Variants in BMP7 observed in about 807,000 individuals in gnomAD.
BMP7 encodes the protein bone morphogenetic protein 7, also known as osteogenic protein 1.
Under a neutral mutation model 41.2 loss-of-function variants are expected in BMP7, and 12 were observed. The ratio of observed to expected loss-of-function variants is 0.29; its 90% CI spans 0.19 to 0.47. BMP7 has a LOEUF of 0.47. Among genes scored for constraint, BMP7 ranks in the 20% least tolerant of loss-of-function variants. The pLI is 0.99. For synonymous variants in BMP7, 248 were observed against 250.0 expected, an observed-to-expected ratio of 0.99 and a Z score of 0.07; for missense variants, 467 against 606.0, an observed-to-expected ratio of 0.77 and a Z score of 2.41.
At chr20:57,202,720 G>GGGT in intron 2 of BMP7, 97 bp from the exon 3 acceptor site, 1 of 573,232 alleles carries the variant, frequency 1.7e-6, no homozygotes, top group Non-Finnish European at 3.0e-6. Context: ...GGTGGGAGGG[G>GGGT]AGGGAAAGAG....
chr20:57,262,725 C>A (rs1382681484), intron 1 of BMP7, among the ~76,000 whole-genome samples: 2 of 144,574 alleles, frequency 1.4e-5, no homozygotes, highest in Non-Finnish European at 1.6e-5. Flanking sequence ...CTCACCCATG[C>A]CCCCCCCGCC....
At chr20:57,204,179 C>G (rs893949794) in intron 2 of BMP7, among the ~76,000 whole-genome samples, 3 of 152,156 alleles carry the variant, frequency 2.0e-5, no homozygotes, top group Admixed American at 2.0e-4. Flanking sequence ...CAGTCAACCT[C>G]GTTGGAATGT....
chr20:57,228,379 C>G lies in BMP7; in HGVS notation c.461G>C (p.Arg154Pro). 1.2e-6 allele frequency: 2 copies of G among 1,614,184 alleles called. No individual in the cohort carries two copies. The highest frequency in any genetic ancestry group is 1.7e-6 in the Non-Finnish European group (2 of 1,180,038). Residue 154 changes from arginine (R) to proline (P), a missense_variant, in exon 2 of 7, where the codon CGA (arginine) becomes CCA (proline). Coordinates refer to ENST00000395863, the MANE Select transcript of BMP7 (RefSeq NM_001719.3). The surrounding 1 kb of genome is among the most constrained non-coding windows in gnomAD (Gnocchi z 4.5). ...KEFFHPRYHH[R>P]EFRFDLSKIP... Reference sequence around the variant, plus strand: ...CTTGGAAAGATCAAACCGGAACTCTCGATGGTGGTAGCGTGGGTGGAAGAA... The same window carrying G: ...CTTGGAAAGATCAAACCGGAACTCTGGATGGTGGTAGCGTGGGTGGAAGAA...
chr20:57,251,523 G>C (rs1018981939), intron 1 of BMP7, among the ~76,000 whole-genome samples: 2 of 152,170 alleles, frequency 1.3e-5, no homozygotes, highest in Non-Finnish European at 2.9e-5. Flanking sequence ...TCTTCCGAGG[G>C]GACATCCTTT....
chr20:57,179,568 G>A (rs1022988122), intron 4 of BMP7, among the ~76,000 whole-genome samples: 1 of 152,222 alleles, frequency 6.6e-6, no homozygotes, highest in Non-Finnish European at 1.5e-5. Context: ...AGCTCCGCGT[G>A]GGGTAGCGTG....
chr20:57,258,145 G>A (rs1348944239), intron 1 of BMP7, among the ~76,000 whole-genome samples: 1 of 152,216 alleles, frequency 6.6e-6, no homozygotes, highest in African/African-American at 2.4e-5. Flanking sequence ...GATAGAACAC[G>A]TGACCTCAGA....
At chr20:57,231,094 C>T (rs1456116055) in intron 1 of BMP7, among the ~76,000 whole-genome samples, 1 of 152,246 alleles carries the variant, frequency 6.6e-6, no homozygotes, top group African/African-American at 2.4e-5. Flanking sequence ...AACCCCCTTT[C>T]CCACCCTGGA....
intron 1 of BMP7, among the ~76,000 whole-genome samples, chr20:57,258,936 A>G (rs1472446454): frequency 2.0e-5 from 3 of 152,248 alleles, no homozygotes; most frequent in Non-Finnish European, 4.4e-5. Flanking sequence ...CTACTAGGTG[A>G]CAGCCTCTGC....
chr20:57,199,482 C>T (rs1167539697), intron 3 of BMP7, among the ~76,000 whole-genome samples: 1 of 152,190 alleles, frequency 6.6e-6, no homozygotes, highest in African/African-American at 2.4e-5. Context: ...GGAAACAAAA[C>T]CACATGTACC....
intron 3 of BMP7, among the ~76,000 whole-genome samples, chr20:57,194,018 G>A (rs952861525): frequency 1.3e-5 from 2 of 152,206 alleles, no homozygotes; most frequent in Admixed American, 6.5e-5. Context: ...CTCCGTCCAT[G>A]AACGCTGCAC....
rs955703923 is a variant in BMP7 at position 57,227,815 on chromosome 20, T to A, written c.611+414A>T. ...AGTTCTCTGTTTTTTTTGGTTTGGGTTTTTTTCTTCCCCTAACATTTTATT... is the reference window on the plus strand; with the variant it reads ...AGTTCTCTGTTTTTTTTGGTTTGGGATTTTTTCTTCCCCTAACATTTTATT... On this transcript the variant is annotated intron_variant, in intron 2 of 6. Transcript: ENST00000395863. 3.3e-5 allele frequency among the ~76,000 whole-genome samples: 5 copies of A among 152,230 alleles called. No homozygotes were observed. The South Asian group carries it at 8.3e-4, about 25-fold the overall frequency.
intron 1 of BMP7, among the ~76,000 whole-genome samples, chr20:57,252,468 G>C (rs1382503618): frequency 6.6e-6 from 1 of 152,244 alleles, no homozygotes; most frequent in Non-Finnish European, 1.5e-5. Flanking sequence ...GTAAGAGAGA[G>C]ATCTGCCCTA....
intron 3 of BMP7, among the ~76,000 whole-genome samples, chr20:57,191,274 AC>A (rs1410160623): frequency 1.3e-5 from 2 of 152,122 alleles, no homozygotes; most frequent in Non-Finnish European, 2.9e-5. Context: ...GCCCAGCACT[AC>A]CGTGTGCTCT....
chr20:57,226,697 T>G (rs1160484525), intron 2 of BMP7, among the ~76,000 whole-genome samples: 1 of 152,196 alleles, frequency 6.6e-6, no homozygotes, highest in Non-Finnish European at 1.5e-5. Context: ...CCTTCGCTGA[T>G]TTCAGGAGAC....
chr20:57,178,723 G>T (rs928190457), intron 4 of BMP7, among the ~76,000 whole-genome samples: 4 of 152,276 alleles, frequency 2.6e-5, no homozygotes, highest in African/African-American at 9.6e-5. Context: ...AGGCAGGGTG[G>T]AGGAGAAGGA....
intron 3 of BMP7, among the ~76,000 whole-genome samples, chr20:57,188,652 G>A (rs1984278392): frequency 6.6e-6 from 1 of 152,016 alleles, no homozygotes; most frequent in Admixed American, 6.6e-5. Flanking sequence ...GCAAAACAGG[G>A]GTGGGAATGA....
At chr20:57,246,743 C>G (rs1458359405) in intron 1 of BMP7, among the ~76,000 whole-genome samples, 1 of 152,162 alleles carries the variant, frequency 6.6e-6, no homozygotes, top group Non-Finnish European at 1.5e-5. Flanking sequence ...AATCCCAGCA[C>G]TTTGGGAGGC....
chr20:57,183,978 C>G (rs1984151676), intron 3 of BMP7, 59 bp from the exon 4 acceptor site: 1 of 1,577,320 alleles, frequency 6.3e-7, no homozygotes, highest in Non-Finnish European at 8.6e-7. Flanking sequence ...ACGAGCGGGA[C>G]AGGGCTGCAG....
chr20:57,222,098 C>T (rs1344349651), intron 2 of BMP7, among the ~76,000 whole-genome samples: 1 of 152,134 alleles, frequency 6.6e-6, no homozygotes, highest in Non-Finnish European at 1.5e-5. Flanking sequence ...CTCGTGGGGA[C>T]ACCCGCTCGG....
Sources: allele counts gnomAD v4.1 joint callset (sites outside exome capture counted in the v4.1 genomes callset), GRCh38; gene constraint gnomAD v4.1.1; non-coding constraint Gnocchi (gnomAD v3.1); transcripts MANE v1.5; gene names NCBI Gene and HGNC (gene_info 2026-07-23, HGNC 2026-07-21).